PALS2: variants seen among roughly 807,000 people sequenced by gnomAD.
The protein encoded by PALS2 is protein PALS2.
PALS2 carries 27 observed loss-of-function variants against 61.6 expected under a neutral mutation model. The observed-to-expected ratio is 0.44, with a 90% CI of 0.32 to 0.60. The LOEUF (loss-of-function observed/expected upper bound fraction) is 0.60, where lower values mean the gene tolerates loss of function less well. Among genes scored for constraint, PALS2 ranks in the 20% least tolerant of loss-of-function variants. The pLI is 0.05. For missense variants in PALS2, 554 were observed against 639.4 expected (o/e 0.87, Z 1.44); for synonymous variants, 236 against 218.6 (o/e 1.08, Z -0.70).
chr7:24,651,994 A>G (rs1348954425), intron 5 of PALS2, among the ~76,000 whole-genome samples: 1 of 152,192 alleles, frequency 6.6e-6, no homozygotes, highest in African/African-American at 2.4e-5. Flanking sequence ...AAATGAAGGT[A>G]GTTTTGTGGT....
At chr7:24,600,447 A>G (rs539775344) in intron 1 of PALS2, among the ~76,000 whole-genome samples, 2 of 152,310 alleles carry the variant, frequency 1.3e-5, no homozygotes, top group Non-Finnish European at 2.9e-5. Context: ...CAAAGAAGAA[A>G]AAAGGTTTGT....
chr7:24,678,416 A>G (rs1039145612), intron 9 of PALS2, among the ~76,000 whole-genome samples: 3 of 152,226 alleles, frequency 2.0e-5, no homozygotes, highest in Non-Finnish European at 4.4e-5. Flanking sequence ...TAGCTCTACC[A>G]CTGAAGTATA....
chr7:24,647,086 A>G (rs901473839), intron 3 of PALS2, among the ~76,000 whole-genome samples: 1 of 150,822 alleles, frequency 6.6e-6, no homozygotes, highest in Non-Finnish European at 1.5e-5. Context: ...TAATTTTTTC[A>G]AAAACCCAAC....
At chr7:24,586,213 A>G (rs953657763) in intron 1 of PALS2, among the ~76,000 whole-genome samples, 7 of 151,882 alleles carry the variant, frequency 4.6e-5, no homozygotes, top group African/African-American at 1.5e-4. Context: ...ATTTAATTTT[A>G]TTTAGCCATA....
chr7:24,648,904 C>CAA (rs763677372), intron 3 of PALS2, among the ~76,000 whole-genome samples: 4,482 of 90,160 alleles, frequency 0.05, 151 homozygotes, highest in Non-Finnish European at 0.065. Flanking sequence ...GACTCTGTCT[C>CAA]AAAAAAGAAA....
At chr7:24,681,552 A>G (rs1168826095) in intron 11 of PALS2, among the ~76,000 whole-genome samples, 2 of 100,820 alleles carry the variant, frequency 2.0e-5, no homozygotes, top group African/African-American at 8.2e-5. Context: ...TTTACTGTTG[A>G]TTTGTTCAAA....
At chr7:24,585,168 A>G (rs1165975576) in intron 1 of PALS2, among the ~76,000 whole-genome samples, 2 of 152,152 alleles carry the variant, frequency 1.3e-5, no homozygotes, top group African/African-American at 2.4e-5. Context: ...TTCCATATGA[A>G]CTTTAAAGTA....
chr7:24,610,426 A>G lies in PALS2; in HGVS notation c.-2-13240A>G, dbSNP rs182560000. Among the ~76,000 whole-genome samples, 7 of 152,190 alleles carry G rather than the reference A, an allele frequency of 4.6e-5. No homozygotes were observed. The East Asian group carries it at 5.8e-4, about 13-fold the overall frequency. On this transcript the variant is annotated intron_variant, in intron 1 of 11. Transcript: ENST00000222644. The stretch of plus-strand genomic sequence containing the variant: ...TGGGGAACAGATGGTTTGTCCATAT[A>G]TTTTCTTCAACATCTAACCACGTGC...
At chr7:24,609,123 C>T (rs1277439062) in intron 1 of PALS2, among the ~76,000 whole-genome samples, 1 of 152,120 alleles carries the variant, frequency 6.6e-6, no homozygotes, top group Non-Finnish European at 1.5e-5. Flanking sequence ...TTAGTTTACC[C>T]GCTGTCACTG....
chr7:24,652,221 T>G (rs1438390046), intron 5 of PALS2, among the ~76,000 whole-genome samples: 2 of 152,176 alleles, frequency 1.3e-5, no homozygotes, highest in African/African-American at 4.8e-5. Context: ...AGATCTTATT[T>G]TCCTTCTGTG....
intron 2 of PALS2, among the ~76,000 whole-genome samples, chr7:24,631,652 A>G (rs1259276345): frequency 1.3e-5 from 2 of 152,160 alleles, no homozygotes; most frequent in Admixed American, 6.5e-5. Flanking sequence ...ATGAAAGGAG[A>G]GTCCATCAAT....
intron 2 of PALS2, among the ~76,000 whole-genome samples, chr7:24,630,657 C>G (rs1230286709): frequency 6.6e-6 from 1 of 152,116 alleles, no homozygotes; most frequent in Non-Finnish European, 1.5e-5. Flanking sequence ...TACCTGCCTT[C>G]AAAGGACAGG....
intron 1 of PALS2, among the ~76,000 whole-genome samples, chr7:24,595,141 T>A (rs1381604287): frequency 6.6e-6 from 1 of 151,844 alleles, no homozygotes; most frequent in African/African-American, 2.4e-5. Context: ...GGGATAGTAT[T>A]TGAGAAATAT....
chr7:24,618,219 A>G lies in PALS2; in HGVS notation c.-2-5447A>G, dbSNP rs1784364085. Among the ~76,000 whole-genome samples the G allele has an allele frequency of 6.6e-6, 1 of 152,152 alleles. No individual in the cohort carries two copies. Among genetic ancestry groups the G allele is most frequent in the African/African-American group, 2.4e-5 (1 of 41,418 alleles). On this transcript the variant is annotated intron_variant, in intron 1 of 11. Transcript: ENST00000222644. This position sits in a 1 kb window ranked among gnomAD's most constrained non-coding sequence, Gnocchi z 5.1. The stretch of plus-strand genomic sequence containing the variant: ...ACCTCTGCTGCTCAGGGGAGGGCAT[A>G]CAGTGGTGTGACTGGCTCAAGGGTG...
At chr7:24,645,943 C>G (rs894529335) in intron 3 of PALS2, among the ~76,000 whole-genome samples, 3 of 152,062 alleles carry the variant, frequency 2.0e-5, no homozygotes, top group African/African-American at 7.2e-5. Context: ...TATATGAATG[C>G]TAGTGATTTT....
rs767302637 is a variant in PALS2 at position 24,679,171 on chromosome 7, G to T, written c.1155G>T (p.Gln385His). Residue 385 changes from glutamine (Q) to histidine (H), a missense_variant, in exon 10 of 12, where the codon CAG becomes CAT. Coordinates refer to ENST00000222644, the MANE Select transcript of PALS2 (RefSeq NM_001303037.2). The stretch of plus-strand genomic sequence containing the variant: ...CAAGGGAAGATGAAAAAGATGGCCA[G>T]GCATATAAGTTTGTGTCACGATCTG... ...RKPREDEKDG[Q>H]AYKFVSRSEM... 6.2e-7 allele frequency: 1 copy of T among 1,613,970 alleles called. No individual in the cohort carries two copies. The highest frequency in any genetic ancestry group is 8.5e-7 in the Non-Finnish European group (1 of 1,179,878).
intron 5 of PALS2, among the ~76,000 whole-genome samples, chr7:24,651,875 G>GTC (rs1380821200): frequency 6.6e-6 from 1 of 152,130 alleles, no homozygotes; most frequent in African/African-American, 2.4e-5. Context: ...TTCATTGAAT[G>GTC]TCTATTTTAA....
rs1031546095 is a variant in PALS2, at chr7:24,689,778, G to C, written c.*2164G>C. The stretch of plus-strand genomic sequence containing the variant: ...ATGAATTAAAGCACAGTATCAAGGT[G>C]ATGCCCTATGACAATGTTTCAACAC... On this transcript the variant is annotated 3_prime_UTR_variant, in exon 12 of 12. Coordinates refer to ENST00000222644, the MANE Select transcript of PALS2 (RefSeq NM_001303037.2). 8 of 150,920 alleles carry C rather than the reference G, an allele frequency of 5.3e-5. No homozygotes were observed. Among genetic ancestry groups the C allele is most frequent in the Non-Finnish European group, 1.2e-4 (8 of 67,748 alleles). 9.3% of individuals were successfully genotyped at this position (150,920 alleles called of 1,614,324 possible).
At chr7:24,578,575 C>T (rs1438495822) in intron 1 of PALS2, among the ~76,000 whole-genome samples, 2 of 152,214 alleles carry the variant, frequency 1.3e-5, no homozygotes, top group East Asian at 1.9e-4. Flanking sequence ...GCGTTTGCTT[C>T]ATTCCTTCTC....
Sources: allele counts gnomAD v4.1 joint callset (sites outside exome capture counted in the v4.1 genomes callset), GRCh38; gene constraint gnomAD v4.1.1; non-coding constraint Gnocchi (gnomAD v3.1); transcripts MANE v1.5; gene names NCBI Gene and HGNC (gene_info 2026-07-23, HGNC 2026-07-21).